The following MIGA1 variants were observed in gnomAD, a reference collection of about 807,000 sequenced individuals.
The protein encoded by MIGA1 is mitoguardin 1.
Under a neutral mutation model 82.0 loss-of-function variants are expected in MIGA1, and 58 were observed. The observed-to-expected ratio is 0.71, with a 90% CI of 0.57 to 0.88. The LOEUF (loss-of-function observed/expected upper bound fraction) is 0.88, where lower values mean the gene tolerates loss of function less well. MIGA1 is among the 40% of genes least tolerant of loss of function. The probability of loss-of-function intolerance (pLI) is 0.00; values close to 1 mark genes in which losing one functional copy is unlikely to be tolerated. For synonymous variants in MIGA1, 249 were observed against 253.6 expected, an observed-to-expected ratio of 0.98 and a Z score of 0.17; for missense variants, 751 against 749.1, an observed-to-expected ratio of 1.00 and a Z score of -0.03.
intron 7 of MIGA1, among the ~76,000 whole-genome samples, chr1:77,842,239 GA>G (rs1437176416): frequency 6.6e-6 from 1 of 152,184 alleles, no homozygotes; most frequent in East Asian, 1.9e-4. Context: ...ACATATGTAA[GA>G]AGGAAAGTAT....
chr1:77,793,872 T>C (rs1682543310), intron 2 of MIGA1, among the ~76,000 whole-genome samples: 1 of 147,040 alleles, frequency 6.8e-6, no homozygotes, highest in Non-Finnish European at 1.5e-5. Flanking sequence ...CTGCAACCTC[T>C]ACCTCCTGGG....
At chr1:77,823,260 A>T (rs184147547) in intron 7 of MIGA1, among the ~76,000 whole-genome samples, 144 of 152,002 alleles carry the variant, frequency 9.5e-4, no homozygotes, top group Non-Finnish European at 1.6e-3. Flanking sequence ...AGTTATCAGT[A>T]TTGTGAATTA....
intron 7 of MIGA1, among the ~76,000 whole-genome samples, chr1:77,830,272 C>T (rs1483695310): frequency 6.6e-6 from 1 of 152,070 alleles, no homozygotes; most frequent in Admixed American, 6.6e-5. Flanking sequence ...TTATATCTTT[C>T]ATAATGTTTT....
chr1:77,843,281 T>C (rs1373489867), intron 7 of MIGA1, 26 bp from the exon 8 acceptor site: 2 of 1,518,746 alleles, frequency 1.3e-6, no homozygotes. Flanking sequence ...TATCACTTTC[T>C]GAACTTTTCA....
rs546100214 is a variant in MIGA1 at position 77,840,696 on chromosome 1, C to T, written c.896-2611C>T. Among the ~76,000 whole-genome samples the T allele has an allele frequency of 4.8e-3, 727 of 152,226 alleles. 5 individuals carry two copies. Among genetic ancestry groups the T allele is most frequent in the African/African-American group, 0.016 (663 of 41,534 alleles). ...GCGTGGTGGCACATGCCTGTAATCT[C>T]AGCTACTTGGGAGGCTGAGGCAGGA... On this transcript the variant is annotated intron_variant, in intron 7 of 15. Coordinates refer to ENST00000370791, the MANE Select transcript of MIGA1 (RefSeq NM_198549.4).
chr1:77,798,345 C>T (rs935355880), intron 2 of MIGA1, among the ~76,000 whole-genome samples: 1 of 152,114 alleles, frequency 6.6e-6, no homozygotes, highest in Admixed American at 6.5e-5. Context: ...AAAGACATAC[C>T]TGAGACTGGA....
chr1:77,831,114 C>A (rs897094539), intron 7 of MIGA1, among the ~76,000 whole-genome samples: 3 of 152,158 alleles, frequency 2.0e-5, no homozygotes, highest in Non-Finnish European at 4.4e-5. Context: ...ATTGATGTGC[C>A]CTCAGCCTGT....
In MIGA1 at chr1:77,878,209, C is replaced by T; in HGVS notation, c.*3145C>T. 6.6e-6 allele frequency: 1 copy of T among 151,932 alleles called. No individual in the cohort carries two copies. The highest frequency in any genetic ancestry group is 1.5e-5 in the Non-Finnish European group (1 of 68,030). The allele number at this position is 151,932 out of a possible 1,614,324, so 9.4% of individuals were successfully genotyped here. On this transcript the variant is annotated 3_prime_UTR_variant, in exon 16 of 16. Transcript: ENST00000370791. ...AGGAGTTTGAGACCAGCCTGACCAA[C>T]ATGGTGAAACCCCATCTCTACTAAA... is the stretch of plus-strand genomic sequence containing the variant.
At chr1:77,823,276 GGT>G (rs1683900173) in intron 7 of MIGA1, among the ~76,000 whole-genome samples, 1 of 151,858 alleles carries the variant, frequency 6.6e-6, no homozygotes, top group Non-Finnish European at 1.5e-5. Context: ...AATTATTTGG[GGT>G]TACTTTTGGT....
At chr1:77,863,777 T>A in intron 12 of MIGA1, 117 bp from the exon 13 acceptor site, 1 of 689,906 alleles carries the variant, frequency 1.4e-6, no homozygotes, top group Non-Finnish European at 2.3e-6. Context: ...ATTTTTTATT[T>A]TTGAATAAGC....
chr1:77,851,913 G>C (rs1685069033), intron 8 of MIGA1, among the ~76,000 whole-genome samples: 1 of 123,590 alleles, frequency 8.1e-6, no homozygotes, highest in South Asian at 2.7e-4. Context: ...GTCTTACTCT[G>C]TCACTCAGGT....
chr1:77,835,472 T>C (rs1684391492), intron 7 of MIGA1, among the ~76,000 whole-genome samples: 2 of 152,176 alleles, frequency 1.3e-5, no homozygotes, highest in South Asian at 2.1e-4. Context: ...GCTACTTCAC[T>C]GAGAGCCAGT....
chr1:77,820,752 C>A (rs1188589338), intron 7 of MIGA1, among the ~76,000 whole-genome samples: 1 of 152,166 alleles, frequency 6.6e-6, no homozygotes, highest in African/African-American at 2.4e-5. Context: ...AAAAAAATTT[C>A]TTCTGTCCTT....
At chr1:77,847,958 C>A in intron 8 of MIGA1, 1 of 1,259,362 alleles carries the variant, frequency 7.9e-7, no homozygotes, top group South Asian at 1.2e-5. Context: ...CGTAGAGACC[C>A]CTGAGAATCA....
At chr1:77,803,656 T>C (rs890858100) in intron 4 of MIGA1, among the ~76,000 whole-genome samples, 11 of 152,182 alleles carry the variant, frequency 7.2e-5, no homozygotes, top group African/African-American at 2.7e-4. Context: ...GAAGTATTGC[T>C]TCAAAATTAG....
At chr1:77,798,532 T>C (rs1682751400) in intron 2 of MIGA1, among the ~76,000 whole-genome samples, 2 of 152,152 alleles carry the variant, frequency 1.3e-5, no homozygotes, top group Admixed American at 1.3e-4. Context: ...AGACATATTC[T>C]CTACCATGAG....
At chr1:77,832,342 A>C (rs1444909987) in intron 7 of MIGA1, among the ~76,000 whole-genome samples, 1 of 152,254 alleles carries the variant, frequency 6.6e-6, no homozygotes, top group Non-Finnish European at 1.5e-5. Context: ...GTATATGTCA[A>C]ACATGGTATA....
chr1:77,801,382 G>A lies in MIGA1; in HGVS notation c.247G>A (p.Ala83Thr). 6.2e-7 allele frequency: 1 copy of A among 1,603,782 alleles called. No individual in the cohort carries two copies. The highest frequency in any genetic ancestry group is 2.3e-5 in the East Asian group (1 of 44,108). ...GTTGTTTGTGGTAACTGCAGTGAGT[G>A]CTATATCTGTAATTTTTCTGGCTCA... The change falls in exon 3 of 16, where the codon GCT (alanine) becomes ACT (threonine). Residue 83 changes from alanine to threonine, a missense_variant. This residue lies in a region of MIGA1 where 482 missense variants were observed against 439.4 expected (regional missense o/e 1.10). Coordinates refer to ENST00000370791, the MANE Select transcript of MIGA1 (RefSeq NM_198549.4).
Position 77,875,246 on chromosome 1 carries a change from G to C in MIGA1, c.*182G>C, listed in dbSNP as rs1423489123. On this transcript the variant is annotated 3_prime_UTR_variant, in exon 16 of 16. Transcript: ENST00000370791. ...ACAGAAGTTCTGTCATTGAATTCCT[G>C]TGTAGTGTAGTCATAGTGGCTTTTT... is the stretch of plus-strand genomic sequence containing the variant. 4 of 557,538 alleles carry C rather than the reference G, an allele frequency of 7.2e-6. No homozygotes were observed. The highest frequency in any genetic ancestry group is 1.3e-5 in the Non-Finnish European group (4 of 315,682). The allele number at this position is 557,538 out of a possible 1,614,324, so 34.5% of individuals were successfully genotyped here. A position where few individuals can be genotyped will look rare whatever the true frequency, so the allele number is the denominator to read the frequency against.
Sources: gnomAD v4.1 joint callset for allele counts (sites outside exome capture counted in the v4.1 genomes callset) on GRCh38, gnomAD v4.1.1 for gene constraint, gnomAD v4.1.1 regional missense constraint, MANE v1.5 for transcripts, NCBI Gene and HGNC (gene_info 2026-07-23, HGNC 2026-07-21) for gene names.